The following IQCH variants were observed in gnomAD, a reference collection of about 807,000 sequenced individuals.
IQCH encodes IQ domain-containing protein H.
A neutral mutation model predicts 117.0 loss-of-function variants in IQCH; 98 were observed. That is an observed-to-expected ratio of 0.84 (90% CI 0.71 to 0.99). The LOEUF (loss-of-function observed/expected upper bound fraction) is 0.99. Among genes scored for constraint, IQCH ranks in the 50% least tolerant of loss-of-function variants. The pLI, the probability that IQCH is intolerant of heterozygous loss-of-function variation, is 0.00. For missense variants in IQCH, 1,102 were observed against 1,243.8 expected (o/e 0.89, Z 1.72); for synonymous variants, 412 against 448.2 (o/e 0.92, Z 1.02).
chr15:67,474,028 T>C lies in IQCH; in HGVS notation c.2677-1668T>C, dbSNP rs1191260470. Among the ~76,000 whole-genome samples, 1 of 150,528 alleles carries C rather than the reference T, an allele frequency of 6.6e-6. No individual in the cohort carries two copies. Among genetic ancestry groups the C allele is most frequent in the Non-Finnish European group, 1.5e-5 (1 of 67,712 alleles). On this transcript the variant is annotated intron_variant, in intron 17 of 20. Coordinates refer to ENST00000335894, the MANE Select transcript of IQCH (RefSeq NM_001031715.3). The surrounding 1 kb of genome is among the most constrained non-coding windows in gnomAD (Gnocchi z 4.1). ...AGAAAAACATGCTCCCCCCATCATG[T>C]GTGAGGGGAGCATGTCACCAAAAGT...
Position 67,445,408 on chromosome 15 carries a change from T to C in IQCH, c.2506-19719T>C, listed in dbSNP as rs2082368717. The stretch of plus-strand genomic sequence containing the variant: ...ATCTTCCCCTGTCATGTTACATTCC[T>C]ATCCCACCCCAGAGTACCTACCTCA... On this transcript the variant is annotated intron_variant, in intron 16 of 20. Coordinates refer to ENST00000335894, the MANE Select transcript of IQCH (RefSeq NM_001031715.3). The surrounding 1 kb of genome is among the most constrained non-coding windows in gnomAD (Gnocchi z 4.3). 6.6e-6 allele frequency among the ~76,000 whole-genome samples: 1 copy of C among 152,158 alleles called. No individual in the cohort carries two copies. The highest frequency in any genetic ancestry group is 6.6e-5 in the Admixed American group (1 of 15,258).
At chr15:67,294,485 G>C (rs1438359206) in intron 4 of IQCH, among the ~76,000 whole-genome samples, 1 of 152,164 alleles carries the variant, frequency 6.6e-6, no homozygotes, top group Non-Finnish European at 1.5e-5. Flanking sequence ...TCTACTGGGG[G>C]TTAGTTCCAG....
At chr15:67,346,268 A>AT (rs1969383835) in intron 6 of IQCH, among the ~76,000 whole-genome samples, 3 of 152,164 alleles carry the variant, frequency 2.0e-5, no homozygotes, top group Non-Finnish European at 2.9e-5. Flanking sequence ...AACAGAAATA[A>AT]TAAATCCAGA....
chr15:67,329,251 A>G (rs953703603), intron 4 of IQCH, among the ~76,000 whole-genome samples: 1 of 151,064 alleles, frequency 6.6e-6, no homozygotes, highest in African/African-American at 2.4e-5. Context: ...GTGAGCTGTG[A>G]TTACACCACT....
chr15:67,357,411 A>C lies in IQCH; in HGVS notation c.704A>C (p.Gln235Pro). 1 of 1,595,008 alleles carries C rather than the reference A, an allele frequency of 6.3e-7. No homozygotes were observed. The highest frequency in any genetic ancestry group is 1.1e-5 in the South Asian group (1 of 90,668). The change falls in exon 7 of 21, where the codon CAA (glutamine) becomes CCA (proline). Residue 235 changes from glutamine (Q) to proline (P), a missense_variant. By Grantham distance (76) the Gln-to-Pro change is moderately conservative. Coordinates refer to ENST00000335894, the MANE Select transcript of IQCH (RefSeq NM_001031715.3). ...GAAGTGAAGTTCTTTCCCAAGAAAC[A>C]AAGATCAAAGGTATTTATATTCCTC... ...PAEVKFFPKK[Q>P]RSKGKSRRSR...
intron 18 of IQCH, among the ~76,000 whole-genome samples, chr15:67,477,175 C>T (rs996988032): frequency 7.3e-5 from 11 of 151,036 alleles, no homozygotes; most frequent in African/African-American, 2.7e-4. Flanking sequence ...CTCAGCCTCC[C>T]GAGTAGCTGC....
chr15:67,273,308 G>T (rs964769342), intron 3 of IQCH, among the ~76,000 whole-genome samples: 2 of 151,812 alleles, frequency 1.3e-5, no homozygotes, highest in Non-Finnish European at 2.9e-5. Flanking sequence ...GACCTCAAGT[G>T]ATTTGCCTGC....
In IQCH at chr15:67,406,274, T is replaced by C. The variant is rs1002738975; in HGVS notation, c.2097+5969T>C. On this transcript the variant is annotated intron_variant, in intron 14 of 20. Coordinates refer to ENST00000335894, the MANE Select transcript of IQCH (RefSeq NM_001031715.3). The surrounding 1 kb of genome is among the most constrained non-coding windows in gnomAD (Gnocchi z 4.5). ...GTGCAGTCGATCACTCCTGTAATAT[T>C]TTGTAATCCCAACACTTTGGAAGGC... 6.6e-6 allele frequency: 1 copy of C among 152,206 alleles called. No homozygotes were observed. Among genetic ancestry groups the C allele is most frequent in the African/African-American group, 2.4e-5 (1 of 41,424 alleles). 9.4% of individuals were successfully genotyped at this position (152,206 alleles called of 1,614,324 possible). A position where few individuals can be genotyped will look rare whatever the true frequency, so the allele number is the denominator to read the frequency against.
intron 14 of IQCH, among the ~76,000 whole-genome samples, chr15:67,402,282 C>G (rs952553618): frequency 2.6e-5 from 4 of 152,194 alleles, no homozygotes; most frequent in Non-Finnish European, 5.9e-5. Context: ...TCCTTACAGT[C>G]TGAGGCCAGT....
chr15:67,328,356 C>T (rs1040763364), intron 4 of IQCH, among the ~76,000 whole-genome samples: 2 of 152,102 alleles, frequency 1.3e-5, no homozygotes, highest in African/African-American at 4.8e-5. Context: ...TTTTTTAAAA[C>T]ATTCTTTGCT....
chr15:67,295,283 T>C (rs1966845628), intron 4 of IQCH, among the ~76,000 whole-genome samples: 1 of 152,218 alleles, frequency 6.6e-6, no homozygotes, highest in Non-Finnish European at 1.5e-5. Flanking sequence ...TTGATCTTTT[T>C]AGCTAGAAAT....
At chr15:67,267,032 T>C (rs975554276) in intron 3 of IQCH, among the ~76,000 whole-genome samples, 8 of 152,238 alleles carry the variant, frequency 5.3e-5, no homozygotes, top group Non-Finnish European at 7.3e-5. Context: ...TCCATTCTAA[T>C]GCGCTGAGAG....
rs571844833 is a variant in IQCH, at chr15:67,342,850, A to C, written c.509-1213A>C. ...TAGTGGTTCTCTAACTTCAGCGCAC[A>C]TGAATATCTCCTGGAGCCTTCAATA... On this transcript the variant is annotated intron_variant, in intron 5 of 20. Transcript: ENST00000335894. This position sits in a 1 kb window ranked among gnomAD's most constrained non-coding sequence, Gnocchi z 4.7. Among the ~76,000 whole-genome samples the C allele has an allele frequency of 6.6e-6, 1 of 152,146 alleles. No homozygotes were observed. Among genetic ancestry groups the C allele is most frequent in the East Asian group, 1.9e-4 (1 of 5,188 alleles).
At position 67,403,957 on chromosome 15, in the gene IQCH, CTG is replaced by C. The variant is rs1419857363; in HGVS notation, c.2097+3654_2097+3655del. 6.6e-6 allele frequency: 1 copy of C among 152,248 alleles called. No individual in the cohort carries two copies. The allele number at this position is 152,248 out of a possible 1,614,324, so 9.4% of individuals were successfully genotyped here. ...TTCTCTGCAGCCCTTCGTTGGGCCT[CTG>C]TTACCCTGGAGATTCTGGGATGTGG... On this transcript the variant is annotated intron_variant, in intron 14 of 20. Transcript: ENST00000335894. The surrounding 1 kb of genome is among the most constrained non-coding windows in gnomAD (Gnocchi z 4.8).
At chr15:67,446,290 CAG>C (rs1379221840) in intron 16 of IQCH, among the ~76,000 whole-genome samples, 1 of 152,142 alleles carries the variant, frequency 6.6e-6, no homozygotes, top group African/African-American at 2.4e-5. Context: ...TAATGCTTAG[CAG>C]ATAACAGGTA....
At position 67,279,154 on chromosome 15, in the gene IQCH, A is replaced by G. The variant is rs145845833; in HGVS notation, c.270-241A>G. On this transcript the variant is annotated intron_variant, in intron 3 of 20. Transcript: ENST00000335894. The stretch of plus-strand genomic sequence containing the variant: ...TGTTAATCATATAAACTCAGCCAGA[A>G]ATAGAGCTTTTTATTCATGCTATAA... Among the ~76,000 whole-genome samples the G allele has an allele frequency of 3.3e-5, 5 of 152,352 alleles. No individual in the cohort carries two copies. The East Asian group carries it at 9.6e-4, about 29-fold the overall frequency.
At chr15:67,268,586 G>GGAAAA (rs1007238455) in intron 3 of IQCH, among the ~76,000 whole-genome samples, 19 of 152,112 alleles carry the variant, frequency 1.2e-4, no homozygotes, top group Middle Eastern at 3.4e-3. Flanking sequence ...CTACTATTTA[G>GGAAAA]GAAAAGAAAA....
chr15:67,292,962 A>G (rs926678849), intron 4 of IQCH, among the ~76,000 whole-genome samples: 3 of 152,184 alleles, frequency 2.0e-5, no homozygotes, highest in African/African-American at 7.2e-5. Context: ...TGCTGTAACT[A>G]GGGCCTAGAC....
rs886382047 is a variant in IQCH, at chr15:67,406,837, A to C, written c.2097+6532A>C. The C allele has an allele frequency of 3.9e-5, 6 of 152,248 alleles. No homozygotes were observed. Among genetic ancestry groups the C allele is most frequent in the South Asian group, 2.1e-4 (1 of 4,834 alleles). The allele number at this position is 152,248 out of a possible 1,614,324, so 9.4% of individuals were successfully genotyped here. A position where few individuals can be genotyped will look rare whatever the true frequency, so the allele number is the denominator to read the frequency against. Reference sequence around the variant, plus strand: ...CCTGTCTCATGGGGAAGTGGTGACAAGTAAATGAGATAATTCTATGAATTG... The same window carrying C: ...CCTGTCTCATGGGGAAGTGGTGACACGTAAATGAGATAATTCTATGAATTG... On this transcript the variant is annotated intron_variant, in intron 14 of 20. Coordinates refer to ENST00000335894, the MANE Select transcript of IQCH (RefSeq NM_001031715.3). The surrounding 1 kb of genome is among the most constrained non-coding windows in gnomAD (Gnocchi z 4.5).
Sources: allele counts gnomAD v4.1 joint callset (sites outside exome capture counted in the v4.1 genomes callset), GRCh38; gene constraint gnomAD v4.1.1; non-coding constraint Gnocchi (gnomAD v3.1); transcripts MANE v1.5; gene names NCBI Gene and HGNC (gene_info 2026-07-23, HGNC 2026-07-21).